DAB1: variants seen among roughly 807,000 people sequenced by gnomAD.
The protein encoded by DAB1 is DAB adaptor protein 1, also known as disabled homolog 1.
Under a neutral mutation model 64.6 loss-of-function variants are expected in DAB1, and 15 were observed. That is an observed-to-expected ratio of 0.23 (90% confidence interval 0.16 to 0.36). The LOEUF is 0.36. Among genes scored for constraint, DAB1 ranks in the 10% least tolerant of loss-of-function variants. DAB1 has a pLI of 1.00. For missense variants in DAB1, 596 were observed against 706.7 expected (o/e 0.84, Z 1.78); for synonymous variants, 235 against 251.9 (o/e 0.93, Z 0.64).
rs559071304 is a variant in DAB1 at position 57,967,696 on chromosome 1, A to AG, written n.388-83535dup. The stretch of plus-strand genomic sequence containing the variant: ...GAGATAATAATTGTAGCTACTTTAC[A>AG]GGGGGGTTGTGAGGACGAAACTAGT... On this transcript the variant is annotated intron_variant and non_coding_transcript_variant, in intron 5 of 20. Coordinates refer to the DAB1 transcript ENST00000485760. Among the ~76,000 whole-genome samples, 9 of 152,180 alleles carry AG rather than the reference A, an allele frequency of 5.9e-5. No homozygotes were observed. The South Asian group carries it at 1.5e-3, about 25-fold the overall frequency.
At chr1:57,673,401 T>G (rs1195852781) in intron 6 of DAB1, among the ~76,000 whole-genome samples, 1 of 152,084 alleles carries the variant, frequency 6.6e-6, no homozygotes, top group African/African-American at 2.4e-5. Context: ...CATTGCATAC[T>G]TCTCTGCTCC....
intron 3 of DAB1, among the ~76,000 whole-genome samples, chr1:58,438,301 T>C (rs1353762246): frequency 2.0e-5 from 3 of 152,140 alleles, no homozygotes; most frequent in African/African-American, 7.2e-5. Context: ...AAAATGTAGG[T>C]TGCATTGAGA....
chr1:57,150,982 CCT>C, intron 2 of DAB1, among the ~76,000 whole-genome samples: 2 of 152,156 alleles, frequency 1.3e-5, no homozygotes, highest in Non-Finnish European at 2.9e-5. Flanking sequence ...ATAAGAAAAC[CCT>C]GTCTCAAAAG....
intron 7 of DAB1, among the ~76,000 whole-genome samples, chr1:57,567,617 T>A (rs1176231322): frequency 1.3e-5 from 2 of 152,324 alleles, no homozygotes; most frequent in East Asian, 1.9e-4. Flanking sequence ...ATCACATGCA[T>A]TCTTATACAC....
In DAB1 at chr1:58,225,798, C is replaced by CA. The variant is rs1259390471; in HGVS notation, n.310-75211_310-75210insT. On this transcript the variant is annotated intron_variant and non_coding_transcript_variant, in intron 4 of 20. Coordinates refer to the DAB1 transcript ENST00000485760. ...GACACAGGAAGGGGAACATCACACA[C>CA]CGGGCCTGTTGTGGGGTGGGGGGAG... Among the ~76,000 whole-genome samples the CA allele has an allele frequency of 3.2e-5, 3 of 95,018 alleles. No individual in the cohort carries two copies. In the East Asian group the frequency reaches 1.2e-3, roughly 39 times the overall value. The allele number at this position is 95,018 out of a possible 152,430, so 62.3% of individuals were successfully genotyped here. A position where few individuals can be genotyped will look rare whatever the true frequency, so the allele number is the denominator to read the frequency against.
intron 1 of DAB1, among the ~76,000 whole-genome samples, chr1:57,859,119 T>C (rs1653890161): frequency 6.6e-6 from 1 of 152,134 alleles, no homozygotes; most frequent in Non-Finnish European, 1.5e-5. Context: ...CCGAGATGGC[T>C]TTTCTGGTCT....
chr1:57,944,568 G>A (rs996838321), intron 5 of DAB1, among the ~76,000 whole-genome samples: 15 of 152,160 alleles, frequency 9.9e-5, no homozygotes, highest in Admixed American at 9.2e-4. Flanking sequence ...ATATTTGAAA[G>A]CTACTACTTG....
intron 3 of DAB1, among the ~76,000 whole-genome samples, chr1:58,464,360 CACTA>C (rs1645274078): frequency 6.6e-6 from 1 of 152,164 alleles, no homozygotes; most frequent in East Asian, 1.9e-4. Context: ...ATTTAGACAG[CACTA>C]ACTGTGTGCA....
In DAB1 at chr1:57,520,942, G is replaced by C. The variant is rs1281725753; in HGVS notation, n.625+128650C>G. 2.0e-5 allele frequency among the ~76,000 whole-genome samples: 3 copies of C among 151,948 alleles called. No individual in the cohort carries two copies. In the East Asian group the frequency reaches 5.8e-4, roughly 30 times the overall value. ...CAGAAAAGACATTGGGAAGACGTGTGGCCATGAAAGGTAATGTCTTTTTCC... is the reference window on the plus strand; with the variant it reads ...CAGAAAAGACATTGGGAAGACGTGTCGCCATGAAAGGTAATGTCTTTTTCC... On this transcript the variant is annotated intron_variant and non_coding_transcript_variant, in intron 7 of 20. Coordinates refer to the DAB1 transcript ENST00000485760.
intron 2 of DAB1, among the ~76,000 whole-genome samples, chr1:57,146,868 G>A (rs972186465): frequency 4.6e-5 from 7 of 152,106 alleles, no homozygotes; most frequent in African/African-American, 9.7e-5. Flanking sequence ...GGTCCCTCTC[G>A]TAAGTCAACT....
intron 5 of DAB1, among the ~76,000 whole-genome samples, chr1:58,132,674 G>A (rs1264898778): frequency 2.6e-5 from 4 of 152,140 alleles, no homozygotes; most frequent in Admixed American, 1.3e-4. Context: ...ATTTGACAGG[G>A]TAACACAAAC....
intron 4 of DAB1, among the ~76,000 whole-genome samples, chr1:58,323,366 C>T (rs1460878680): frequency 6.6e-6 from 1 of 152,072 alleles, no homozygotes. Context: ...TTTGCTGCTG[C>T]CAAAATACTC....
chr1:57,722,859 A>T (rs1647167766), intron 6 of DAB1, among the ~76,000 whole-genome samples: 1 of 152,140 alleles, frequency 6.6e-6, no homozygotes, highest in East Asian at 1.9e-4. Flanking sequence ...TGGGACTCAG[A>T]TCATCTGAGT....
chr1:57,233,419 CG>C (rs1319912144), intron 2 of DAB1, among the ~76,000 whole-genome samples: 1 of 151,138 alleles, frequency 6.6e-6, no homozygotes, highest in African/African-American at 2.4e-5. Flanking sequence ...CCCGCCATTA[CG>C]CCTGGCTAAT....
chr1:57,293,431 G>C (rs541850953), intron 1 of DAB1, among the ~76,000 whole-genome samples: 1 of 152,256 alleles, frequency 6.6e-6, no homozygotes, highest in East Asian at 1.9e-4. Flanking sequence ...CTGTACAATG[G>C]GGATAATAGT....
chr1:57,260,075 G>A (rs541231872), intron 2 of DAB1, among the ~76,000 whole-genome samples: 2 of 152,154 alleles, frequency 1.3e-5, no homozygotes, highest in African/African-American at 2.4e-5. Flanking sequence ...TAGAGAACTC[G>A]GCCAAGAAGG....
chr1:58,369,337 A>G (rs917390130), intron 3 of DAB1, among the ~76,000 whole-genome samples: 1 of 152,238 alleles, frequency 6.6e-6, no homozygotes, highest in Non-Finnish European at 1.5e-5. Flanking sequence ...CCATTGCTTT[A>G]ATGGTACATG....
chr1:58,010,603 A>G (rs1646654027), intron 5 of DAB1, among the ~76,000 whole-genome samples: 2 of 152,182 alleles, frequency 1.3e-5, no homozygotes, highest in African/African-American at 4.8e-5. Flanking sequence ...CCAATATCCC[A>G]TTTCAGTTTC....
intron 5 of DAB1, among the ~76,000 whole-genome samples, chr1:58,089,450 G>C (rs930864804): frequency 1.3e-5 from 2 of 152,214 alleles, no homozygotes; most frequent in African/African-American, 2.4e-5. Context: ...TAATGTCTTT[G>C]AATGCAACTG....
Sources: allele counts gnomAD v4.1 joint callset (sites outside exome capture counted in the v4.1 genomes callset), GRCh38; gene constraint gnomAD v4.1.1; transcripts MANE v1.5; gene names NCBI Gene and HGNC (gene_info 2026-07-23, HGNC 2026-07-21).